RUFY2: variants seen among roughly 807,000 people sequenced by gnomAD.
The protein encoded by RUFY2 is RUN and FYVE domain-containing protein 2.
RUFY2 carries 49 observed loss-of-function variants against 94.4 expected under a neutral mutation model. The observed-to-expected ratio is 0.52, with a 90% CI of 0.41 to 0.66. RUFY2 has a LOEUF of 0.66. RUFY2 is among the 30% of genes least tolerant of loss of function. The pLI, the probability that RUFY2 is intolerant of heterozygous loss-of-function variation, is 0.00. For missense variants in RUFY2, 541 were observed against 692.8 expected, an observed-to-expected ratio of 0.78 and a Z score of 2.46; for synonymous variants, 255 against 235.7, an observed-to-expected ratio of 1.08 and a Z score of -0.75.
At chr10:68,387,631 G>A (rs1040424629) in intron 7 of RUFY2, among the ~76,000 whole-genome samples, 1 of 152,156 alleles carries the variant, frequency 6.6e-6, no homozygotes, top group Non-Finnish European at 1.5e-5. Context: ...TGTCCTGATG[G>A]TAACGACAGA....
At chr10:68,390,605 G>A (rs10998106) in intron 7 of RUFY2, among the ~76,000 whole-genome samples, 16,394 of 151,830 alleles carry the variant, frequency 0.11, 1,087 homozygotes, top group South Asian at 0.24. Flanking sequence ...CCAAAAAAAA[G>A]AGAGTATAAA....
chr10:68,349,504 G>A (rs2046508598), intron 16 of RUFY2, among the ~76,000 whole-genome samples: 1 of 151,844 alleles, frequency 6.6e-6, no homozygotes, highest in Non-Finnish European at 1.5e-5. Flanking sequence ...CTGGACAACA[G>A]AGACACTGTC....
At chr10:68,356,207 G>C (rs2047044586) in intron 15 of RUFY2, among the ~76,000 whole-genome samples, 1 of 151,702 alleles carries the variant, frequency 6.6e-6, no homozygotes, top group African/African-American at 2.4e-5. Context: ...AAGTGCTAAG[G>C]AAGAAAATAC....
At chr10:68,401,425 G>C (rs565819662) in intron 3 of RUFY2, among the ~76,000 whole-genome samples, 195 bp downstream of exon 3, 1 of 152,256 alleles carries the variant, frequency 6.6e-6, no homozygotes, top group East Asian at 1.9e-4. Flanking sequence ...TTTGATCGAA[G>C]AGGCTAAGAA....
chr10:68,393,315 G>A, intron 6 of RUFY2, 112 bp from the exon 7 acceptor site: 1 of 554,382 alleles, frequency 1.8e-6, no homozygotes, highest in South Asian at 2.9e-5. Flanking sequence ...ACATTGTCTT[G>A]CCTTTAAAAT....
intron 16 of RUFY2, among the ~76,000 whole-genome samples, chr10:68,350,983 C>CT: frequency 6.6e-6 from 1 of 151,906 alleles, no homozygotes; most frequent in Admixed American, 6.6e-5. Context: ...AGTGCTGGGA[C>CT]TGCAGGCATG....
rs776865768 is a variant in RUFY2, at chr10:68,381,332, A to T, written c.1007T>A (p.Leu336Gln). The T allele has an allele frequency of 6.2e-7, 1 of 1,614,058 alleles. No individual in the cohort carries two copies. Among genetic ancestry groups the T allele is most frequent in the Non-Finnish European group, 8.5e-7 (1 of 1,179,958 alleles). The stretch of plus-strand genomic sequence containing the variant: ...TTGTTTCTCATGGATATCTTTCTCC[A>T]GCAACTTCATGGCAAGTTCAATCTC... ...KHEIELAMKL[L>Q]EKDIHEKQDT... Residue 336 changes from leucine (L) to glutamine (Q), a missense_variant, in exon 11 of 18, where the codon CTG becomes CAG. Physicochemically the swap from Leu to Gln is moderately radical, Grantham distance 113. Around this residue, in one of 3 missense-constraint regions of RUFY2, gnomAD observed 403 missense variants for 480.7 expected, o/e 0.84. Coordinates refer to ENST00000602465, the MANE Select transcript of RUFY2 (RefSeq NM_001330103.2).
At chr10:68,346,235 T>C (rs2046264368) in intron 16 of RUFY2, 151 bp from the exon 17 acceptor site, 1 of 631,892 alleles carries the variant, frequency 1.6e-6, no homozygotes, top group East Asian at 2.9e-5. Context: ...TATGTAAATA[T>C]GTATGGAATT....
chr10:68,397,197 A>T (rs779128188), intron 3 of RUFY2, among the ~76,000 whole-genome samples: 3 of 152,196 alleles, frequency 2.0e-5, no homozygotes, highest in Non-Finnish European at 4.4e-5. Flanking sequence ...TTGCAAACCT[A>T]GATGGTATAC....
Position 68,394,399 on chromosome 10 carries a change from C to G in RUFY2, c.451G>C (p.Val151Leu). 6.2e-7 allele frequency: 1 copy of G among 1,613,790 alleles called. No individual in the cohort carries two copies. Among genetic ancestry groups the G allele is most frequent in the Non-Finnish European group, 8.5e-7 (1 of 1,179,740 alleles). Residue 151 changes from valine to leucine, a missense_variant, in exon 5 of 18, where the codon GTT becomes CTT. Val to Leu is a conservative substitution (Grantham distance 32, BLOSUM62 1). Transcript: ENST00000602465. ...ACATTCAGGCCAACCAGCAGCCCAA[C>G]AATTACTGCTCCTTCTTCTTCCATC... Reference protein sequence around the residue: ...LMMEEEGAVIVGLLVGLNVID... With the variant: ...LMMEEEGAVILGLLVGLNVID...
At chr10:68,361,266 C>T (rs947335340) in intron 15 of RUFY2, among the ~76,000 whole-genome samples, 1 of 151,902 alleles carries the variant, frequency 6.6e-6, no homozygotes, top group South Asian at 2.1e-4. Flanking sequence ...GCAACAAGAG[C>T]GAAACTTCCT....
At chr10:68,403,186 T>C (rs2050995618) in intron 2 of RUFY2, among the ~76,000 whole-genome samples, 1 of 149,734 alleles carries the variant, frequency 6.7e-6, no homozygotes, top group Non-Finnish European at 1.5e-5. Context: ...ATAATGCTAA[T>C]AGCATGATTA....
chr10:68,372,144 C>T (rs2048321342), intron 13 of RUFY2, among the ~76,000 whole-genome samples: 1 of 152,152 alleles, frequency 6.6e-6, no homozygotes, highest in East Asian at 1.9e-4. Context: ...TGCAGTGGCT[C>T]ACGCCTGTAA....
chr10:68,364,191 C>A (rs558767619), intron 13 of RUFY2, 78 bp from the exon 14 acceptor site: 1 of 1,376,058 alleles, frequency 7.3e-7, no homozygotes, highest in South Asian at 1.6e-5. Flanking sequence ...ACTAAAATCA[C>A]CCTTTTGGTT....
intron 11 of RUFY2, among the ~76,000 whole-genome samples, 183 bp downstream of exon 11, chr10:68,381,049 A>T (rs901518773): frequency 6.6e-6 from 1 of 152,138 alleles, no homozygotes; most frequent in Non-Finnish European, 1.5e-5. Flanking sequence ...TAGACAGGTG[A>T]TATTTTGTTT....
intron 7 of RUFY2, among the ~76,000 whole-genome samples, chr10:68,389,538 C>T (rs1381832189): frequency 1.3e-5 from 2 of 150,940 alleles, no homozygotes; most frequent in Non-Finnish European, 3.0e-5. Context: ...TGCAGTGAGC[C>T]GAGATCACAC....
At position 68,398,212 on chromosome 10, in the gene RUFY2, A is replaced by G. The variant is rs77720230; in HGVS notation, c.297-1331T>C. ...AGGTAACATTATATCTGAATTTTAA[A>G]AATCATAACAAAGCTAAGAGGGTGC... is the stretch of plus-strand genomic sequence containing the variant. On this transcript the variant is annotated intron_variant, in intron 3 of 17. Coordinates refer to ENST00000602465, the MANE Select transcript of RUFY2 (RefSeq NM_001330103.2). Among the ~76,000 whole-genome samples the G allele has an allele frequency of 6.6e-3, 1,004 of 152,248 alleles. 8 individuals are homozygous for G. Among genetic ancestry groups the G allele is most frequent in the African/African-American group, 0.023 (950 of 41,548 alleles).
rs575439357 is a variant in RUFY2 at position 68,352,109 on chromosome 10, C to T, written c.1599+3244G>A. Among the ~76,000 whole-genome samples, 26 of 151,338 alleles carry T rather than the reference C, an allele frequency of 1.7e-4. No individual in the cohort carries two copies. The South Asian group carries it at 2.1e-3, about 12-fold the overall frequency. On this transcript the variant is annotated intron_variant, in intron 16 of 17. Coordinates refer to ENST00000602465, the MANE Select transcript of RUFY2 (RefSeq NM_001330103.2). ...GATAAAACAAAGGTATATTCAGATA[C>T]GCAAATTCTTTTCTTTCTTTTTTCA...
intron 3 of RUFY2, among the ~76,000 whole-genome samples, chr10:68,399,266 G>A (rs1057340411): frequency 6.6e-6 from 1 of 151,914 alleles, no homozygotes; most frequent in Non-Finnish European, 1.5e-5. Context: ...GGCTGGTCTC[G>A]AACTCTTGGG....
Sources: gnomAD v4.1 joint callset for allele counts (sites outside exome capture counted in the v4.1 genomes callset) on GRCh38, gnomAD v4.1.1 for gene constraint, gnomAD v4.1.1 regional missense constraint, MANE v1.5 for transcripts, NCBI Gene and HGNC (gene_info 2026-07-23, HGNC 2026-07-21) for gene names.